The following AGBL1 variants were observed in gnomAD, a reference collection of about 807,000 sequenced individuals.
AGBL1 encodes the protein cytosolic carboxypeptidase 4.
In AGBL1, 130 loss-of-function variants were observed where a neutral mutation model predicts 118.9. The ratio of observed to expected loss-of-function variants is 1.09; its 90% confidence interval spans 0.95 to 1.26. The LOEUF (loss-of-function observed/expected upper bound fraction) is 1.26. AGBL1 is among the 50% of genes most tolerant of loss of function. The probability of loss-of-function intolerance (pLI) is 0.00; values close to 1 mark genes in which losing one functional copy is unlikely to be tolerated. For missense variants in AGBL1, 1,584 were observed against 1,298.1 expected (o/e 1.22, Z -3.38); for synonymous variants, 555 against 478.9 (o/e 1.16, Z -2.08).
At chr15:86,575,569 A>G (rs1461516676) in intron 21 of AGBL1, among the ~76,000 whole-genome samples, 2 of 152,138 alleles carry the variant, frequency 1.3e-5, no homozygotes, top group Non-Finnish European at 2.9e-5. Flanking sequence ...CCATATTCAA[A>G]TTTTAAAATT....
chr15:86,992,340 T>A (rs1263018816), intron 24 of AGBL1, among the ~76,000 whole-genome samples: 1 of 152,130 alleles, frequency 6.6e-6, no homozygotes, highest in Admixed American at 6.5e-5. Flanking sequence ...AACATGAGGT[T>A]TGGAGGGAAA....
At chr15:86,838,692 C>A (rs1351809128) in intron 22 of AGBL1, among the ~76,000 whole-genome samples, 3 of 151,866 alleles carry the variant, frequency 2.0e-5, no homozygotes, top group Non-Finnish European at 2.9e-5. Context: ...GTAATCCCAG[C>A]ACTTTGAGAG....
chr15:86,807,850 G>A (rs1406050946), intron 22 of AGBL1, among the ~76,000 whole-genome samples: 1 of 152,142 alleles, frequency 6.6e-6, no homozygotes. Context: ...CAGTATGTGA[G>A]AGATAATTGA....
In AGBL1 at chr15:86,196,879, GCACACACACACA is replaced by G. The variant is rs59632011; in HGVS notation, c.489-27999_489-27988del. ...CGAATGTGCACATGTGCGCGCGCGC[GCACACACACACA>G]CACACACACACACACACACACACAC... On this transcript the variant is annotated intron_variant, in intron 5 of 22. Coordinates refer to ENST00000614907, the MANE Select transcript of AGBL1 (RefSeq NM_001386094.1). Among the ~76,000 whole-genome samples, 494 of 117,014 alleles carry G rather than the reference GCACACACACACA, an allele frequency of 4.2e-3. 6 individuals carry two copies. The highest frequency in any genetic ancestry group is 6.0e-3 in the African/African-American group (166 of 27,662). 76.8% of individuals were successfully genotyped at this position (117,014 alleles called of 152,430 possible). A position where few individuals can be genotyped will look rare whatever the true frequency, so the allele number is the denominator to read the frequency against.
chr15:86,891,181 T>C (rs923443268), intron 22 of AGBL1, among the ~76,000 whole-genome samples: 8 of 152,162 alleles, frequency 5.3e-5, no homozygotes, highest in African/African-American at 1.9e-4. Context: ...TTTGGTTCTC[T>C]GCTTGCCTGT....
rs147229677 is a variant in AGBL1 at position 86,318,521 on chromosome 15, C to T, written c.2374+23113C>T. 4.2e-3 allele frequency among the ~76,000 whole-genome samples: 634 copies of T among 151,574 alleles called. 6 individuals are homozygous for T. The highest frequency in any genetic ancestry group is 0.014 in the African/African-American group (587 of 41,296). ...TTTTTTTCCCATTCATCCACACAGA[C>T]GTGTGTAGCTATTAATAAAGCCTGG... is the stretch of plus-strand genomic sequence containing the variant. On this transcript the variant is annotated intron_variant, in intron 17 of 22. Coordinates refer to ENST00000614907, the MANE Select transcript of AGBL1 (RefSeq NM_001386094.1).
intron 6 of AGBL1, among the ~76,000 whole-genome samples, chr15:86,230,918 G>A (rs2078445191): frequency 6.6e-6 from 1 of 152,024 alleles, no homozygotes; most frequent in Non-Finnish European, 1.5e-5. Context: ...CAAAAAACAG[G>A]GCTCCTGTGA....
At chr15:86,371,020 G>A (rs2080964191) in intron 17 of AGBL1, among the ~76,000 whole-genome samples, 1 of 152,134 alleles carries the variant, frequency 6.6e-6, no homozygotes, top group Non-Finnish European at 1.5e-5. Context: ...GCATTCAGAT[G>A]ATATATAAAG....
At chr15:86,353,133 G>A (rs1166246380) in intron 17 of AGBL1, among the ~76,000 whole-genome samples, 2 of 152,122 alleles carry the variant, frequency 1.3e-5, no homozygotes, top group Non-Finnish European at 2.9e-5. Context: ...AGTTTTCCTT[G>A]GTCCAACAAT....
intron 21 of AGBL1, among the ~76,000 whole-genome samples, chr15:86,673,194 A>C (rs1318478105): frequency 6.6e-6 from 1 of 152,224 alleles, no homozygotes; most frequent in Non-Finnish European, 1.5e-5. Context: ...AGAGAGAAAG[A>C]TAAATTGAGC....
At chr15:86,744,732 T>C (rs999120058) in intron 22 of AGBL1, among the ~76,000 whole-genome samples, 5 of 152,074 alleles carry the variant, frequency 3.3e-5, no homozygotes, top group African/African-American at 1.2e-4. Flanking sequence ...TGGGAGAAAA[T>C]CACACTTTCA....
chr15:86,090,233 C>G (rs1303768672), intron 1 of AGBL1, among the ~76,000 whole-genome samples: 2 of 152,158 alleles, frequency 1.3e-5, no homozygotes, highest in African/African-American at 2.4e-5. Context: ...ATTCACCAGT[C>G]TACAGCATCC....
chr15:86,769,539 G>A (rs758426706), intron 22 of AGBL1, among the ~76,000 whole-genome samples: 2 of 151,916 alleles, frequency 1.3e-5, no homozygotes, highest in Admixed American at 1.3e-4. Flanking sequence ...AAGTAATCTT[G>A]TCCAAGAACT....
chr15:86,101,128 T>C (rs187571009), intron 1 of AGBL1, among the ~76,000 whole-genome samples: 127 of 152,258 alleles, frequency 8.3e-4, no homozygotes, highest in African/African-American at 2.8e-3. Flanking sequence ...GAGTTAATAG[T>C]CAATCAGGAT....
At chr15:86,485,676 C>T (rs2082703297) in intron 18 of AGBL1, among the ~76,000 whole-genome samples, 2 of 152,236 alleles carry the variant, frequency 1.3e-5, no homozygotes, top group South Asian at 2.1e-4. Flanking sequence ...ATTCTCAGCT[C>T]ATGGGCTATA....
At chr15:86,711,719 TG>T (rs531759315) in intron 22 of AGBL1, among the ~76,000 whole-genome samples, 4 of 152,326 alleles carry the variant, frequency 2.6e-5, no homozygotes, top group Admixed American at 2.0e-4. Context: ...AAGACAGTCA[TG>T]CTTATTCACA....
At chr15:86,107,538 A>C (rs1007647845) in intron 1 of AGBL1, 9 of 152,208 alleles carry the variant, frequency 5.9e-5, no homozygotes, top group African/African-American at 2.2e-4. Flanking sequence ...TACTCACCCA[A>C]GTCTTTTGCT....
At chr15:86,558,615 A>G (rs918174706) in intron 21 of AGBL1, among the ~76,000 whole-genome samples, 5 of 152,212 alleles carry the variant, frequency 3.3e-5, no homozygotes, top group Non-Finnish European at 7.3e-5. Context: ...CAGTATTTCA[A>G]AAAGGCTTAG....
chr15:86,941,709 G>A (rs1378854479), intron 23 of AGBL1, among the ~76,000 whole-genome samples: 1 of 152,280 alleles, frequency 6.6e-6, no homozygotes, highest in African/African-American at 2.4e-5. Context: ...CTTACTGGAG[G>A]CACTCTACAA....
Sources: gnomAD v4.1 joint callset for allele counts (sites outside exome capture counted in the v4.1 genomes callset) on GRCh38, gnomAD v4.1.1 for gene constraint, MANE v1.5 for transcripts, NCBI Gene and HGNC (gene_info 2026-07-23, HGNC 2026-07-21) for gene names.